Variants in RNF170 observed in about 807,000 individuals in gnomAD.
RNF170 encodes the protein ring finger protein 170.
A neutral mutation model predicts 32.7 loss-of-function variants in RNF170; 12 were observed. The observed-to-expected ratio is 0.37, with a 90% CI of 0.24 to 0.60. The LOEUF (loss-of-function observed/expected upper bound fraction) is 0.60, where lower values mean the gene tolerates loss of function less well. Among genes scored for constraint, RNF170 ranks in the 20% least tolerant of loss-of-function variants. The probability of loss-of-function intolerance (pLI) is 0.72; values close to 1 mark genes in which losing one functional copy is unlikely to be tolerated. For synonymous variants in RNF170, 91 were observed against 103.6 expected (o/e 0.88, Z 0.74); for missense variants, 212 against 311.2 (o/e 0.68, Z 2.40).
chr8:42,861,997 G>A, intron 5 of RNF170, 142 bp from the exon 6 acceptor site: 1 of 841,152 alleles, frequency 1.2e-6, no homozygotes, highest in Non-Finnish European at 1.7e-6. Context: ...TGGGGGAGGG[G>A]AGTAAGTAAC....
intron 1 of RNF170, among the ~76,000 whole-genome samples, chr8:42,892,296 G>A (rs1806367821): frequency 1.3e-5 from 2 of 152,160 alleles, no homozygotes; most frequent in South Asian, 4.1e-4. Context: ...CAGTCTTCCT[G>A]CTGTGACTAC....
At chr8:42,874,258 T>C (rs1309354430) in intron 2 of RNF170, among the ~76,000 whole-genome samples, 1 of 152,232 alleles carries the variant, frequency 6.6e-6, no homozygotes, top group Non-Finnish European at 1.5e-5. Context: ...GGAAATCTAT[T>C]GTAAATGGAA....
intron 1 of RNF170, among the ~76,000 whole-genome samples, chr8:42,890,229 TATAA>T (rs1806181837): frequency 6.7e-6 from 1 of 149,844 alleles, no homozygotes; most frequent in Non-Finnish European, 1.5e-5. Context: ...ATATATTATA[TATAA>T]ATATTTGACT....
At chr8:42,892,702 T>G (rs1194003007) in intron 1 of RNF170, among the ~76,000 whole-genome samples, 1 of 150,926 alleles carries the variant, frequency 6.6e-6, no homozygotes, top group Non-Finnish European at 1.5e-5. Context: ...AAACCCTAGA[T>G]TCAGGCCAGT....
intron 2 of RNF170, among the ~76,000 whole-genome samples, chr8:42,882,268 T>C (rs955214708): frequency 1.3e-5 from 2 of 152,172 alleles, no homozygotes; most frequent in Non-Finnish European, 2.9e-5. Context: ...AAACAGATAC[T>C]TGTACACCAG....
intron 2 of RNF170, among the ~76,000 whole-genome samples, chr8:42,880,262 T>A (rs1586535301): frequency 6.6e-6 from 1 of 152,150 alleles, no homozygotes. Context: ...GTAATGACAT[T>A]GTGAGCATTG....
intron 1 of RNF170, among the ~76,000 whole-genome samples, chr8:42,891,998 T>TTCAATGCCCGG (rs1806341858): frequency 6.6e-6 from 1 of 152,154 alleles, no homozygotes; most frequent in Non-Finnish European, 1.5e-5. Flanking sequence ...CAAACTGAGC[T>TTCAATGCCCGG]TCAATGCCCG....
At chr8:42,870,741 A>G (rs1401573153) in intron 3 of RNF170, among the ~76,000 whole-genome samples, 2 of 152,142 alleles carry the variant, frequency 1.3e-5, no homozygotes, top group East Asian at 3.9e-4. Context: ...AAAGAAAAAA[A>G]TATCAAATGT....
upstream of RNF170, chr8:42,896,788 G>C (rs1806967768): frequency 1.4e-5 from 2 of 146,600 alleles, no homozygotes; most frequent in South Asian, 1.8e-4. Flanking sequence ...GCGGCGGCGC[G>C]GGTCGGCCGG....
At chr8:42,896,178 T>A (rs2130272642) in intron 1 of RNF170, 1 of 266,946 alleles carries the variant, frequency 3.7e-6, no homozygotes, top group East Asian at 1.5e-4. Context: ...CCCTCCTGCA[T>A]TAAGGAGAGT....
chr8:42,862,113 T>C (rs1262734614), intron 5 of RNF170, among the ~76,000 whole-genome samples: 1 of 152,150 alleles, frequency 6.6e-6, no homozygotes, highest in Non-Finnish European at 1.5e-5. Flanking sequence ...AGGGGTAAAT[T>C]CCTTAGTTCT....
rs1803062346 is a variant in RNF170 at position 42,854,116 on chromosome 8, G to C, written c.*2043C>G. The C allele has an allele frequency of 7.8e-7, 1 of 1,287,124 alleles. No individual in the cohort carries two copies. The highest frequency in any genetic ancestry group is 1.0e-6 in the Non-Finnish European group (1 of 988,716). The allele number at this position is 1,287,124 out of a possible 1,614,324, so 79.7% of individuals were successfully genotyped here. ...GACTGCAGCTGAAATGTTTTTCTGT[G>C]ATGTATGCCACCCTTTTACCTATTT... is the stretch of plus-strand genomic sequence containing the variant. On this transcript the variant is annotated 3_prime_UTR_variant, in exon 7 of 7. Transcript: ENST00000527424.
intron 3 of RNF170, among the ~76,000 whole-genome samples, chr8:42,873,361 T>C (rs973506788): frequency 6.6e-6 from 1 of 152,192 alleles, no homozygotes; most frequent in Admixed American, 6.5e-5. Flanking sequence ...TAATTTTGTT[T>C]CTTGATGTTA....
At chr8:42,858,367 C>A (rs75094255) in intron 6 of RNF170, among the ~76,000 whole-genome samples, 2,090 of 152,240 alleles carry the variant, frequency 0.014, 26 homozygotes, top group Non-Finnish European at 0.021. Context: ...GTCTGTTTAA[C>A]ACTGAAGCAT....
At chr8:42,857,517 T>C (rs531826781) in intron 6 of RNF170, among the ~76,000 whole-genome samples, 2 of 152,348 alleles carry the variant, frequency 1.3e-5, no homozygotes, top group East Asian at 1.9e-4. Flanking sequence ...TCATCATTTA[T>C]ACAAAATCTT....
intron 3 of RNF170, among the ~76,000 whole-genome samples, chr8:42,873,341 A>G (rs963515660): frequency 3.3e-5 from 5 of 152,138 alleles, no homozygotes; most frequent in African/African-American, 1.2e-4. Flanking sequence ...ATCTATAGGA[A>G]AGGAATTTTT....
At chr8:42,857,316 A>G (rs1222229380) in intron 6 of RNF170, among the ~76,000 whole-genome samples, 2 of 152,262 alleles carry the variant, frequency 1.3e-5, no homozygotes, top group Non-Finnish European at 2.9e-5. Flanking sequence ...TGCTCACCGA[A>G]GTACAAGAAT....
chr8:42,891,688 TCAACCTTTACACTTAAACTCTC>T (rs1806316220), intron 1 of RNF170, among the ~76,000 whole-genome samples: 1 of 152,216 alleles, frequency 6.6e-6, no homozygotes, highest in African/African-American at 2.4e-5. Flanking sequence ...TGGCCTGTCC[TCAACCTTTACACTTAAACTCTC>T]TTTAAACTCG....
At chr8:42,892,067 G>T (rs559183054) in intron 1 of RNF170, among the ~76,000 whole-genome samples, 4 of 152,256 alleles carry the variant, frequency 2.6e-5, no homozygotes, top group Admixed American at 6.5e-5. Context: ...TGCCTACTCC[G>T]GAGGCACCTA....
Sources: gnomAD v4.1 joint callset for allele counts (sites outside exome capture counted in the v4.1 genomes callset) on GRCh38, gnomAD v4.1.1 for gene constraint, MANE v1.5 for transcripts, NCBI Gene and HGNC (gene_info 2026-07-23, HGNC 2026-07-21) for gene names.